Variants in RASSF8 observed in about 807,000 individuals in gnomAD.
The protein encoded by RASSF8 is ras association domain-containing protein 8.
RASSF8 carries 22 observed loss-of-function variants against 48.5 expected under a neutral mutation model. That is an observed-to-expected ratio of 0.45 (90% confidence interval 0.32 to 0.65). The LOEUF is 0.65. Among genes scored for constraint, RASSF8 ranks in the 30% least tolerant of loss-of-function variants. The probability of loss-of-function intolerance (pLI) is 0.03; values close to 1 mark genes in which losing one functional copy is unlikely to be tolerated. For synonymous variants in RASSF8, 127 were observed against 171.5 expected, an observed-to-expected ratio of 0.74 and a Z score of 2.03; for missense variants, 418 against 489.2, an observed-to-expected ratio of 0.85 and a Z score of 1.37.
intron 1 of RASSF8, among the ~76,000 whole-genome samples, chr12:25,986,799 CTT>C (rs1470998654): frequency 1.3e-5 from 2 of 152,286 alleles, no homozygotes; most frequent in African/African-American, 4.8e-5. Context: ...TTTGCTGCCT[CTT>C]CTCTTTGCTT....
chr12:25,979,809 G>C (rs1419593907), intron 1 of RASSF8, among the ~76,000 whole-genome samples: 1 of 151,746 alleles, frequency 6.6e-6, no homozygotes, highest in African/African-American at 2.4e-5. Flanking sequence ...GTAAGTGTTG[G>C]GGAAACAGAG....
In RASSF8 at chr12:26,065,030, G is replaced by A. The variant is rs1199537352; in HGVS notation, c.636G>A (p.Lys212=). Residue 212 remains lysine (K), a synonymous_variant, in exon 4 of 6, where the codon AAG becomes AAA. Transcript: ENST00000689635. ...LEEEIVRLEQ[K]IKRNDVEIEE... is the part of the protein sequence containing the mutation. The stretch of plus-strand genomic sequence containing the variant: ...AGGAAATTGTCCGTCTAGAGCAAAA[G>A]ATCAAAAGAAACGATGTAGAAATTG... 2 of 1,613,498 alleles carry A rather than the reference G, an allele frequency of 1.2e-6. No homozygotes were observed. The highest frequency in any genetic ancestry group is 1.7e-6 in the Non-Finnish European group (2 of 1,179,820).
rs546823955 is a variant in RASSF8, at chr12:26,067,834, C to T, written c.1138+121C>T. ...GGCTGGAATGCCAGGGGTATTACCA[C>T]GGCTTACTGCAGCCTCGACCTCCTG... is the stretch of plus-strand genomic sequence containing the variant. On this transcript the variant is annotated intron_variant, in intron 5 of 5. Transcript: ENST00000689635. 4.9e-4 allele frequency: 631 copies of T among 1,298,070 alleles called. 1 individual carries two copies. Among genetic ancestry groups the T allele is most frequent in the Non-Finnish European group, 6.1e-4 (573 of 934,834 alleles). The allele number at this position is 1,298,070 out of a possible 1,614,324, so 80.4% of individuals were successfully genotyped here.
chr12:25,973,173 G>GCA (rs1941522794), intron 1 of RASSF8, among the ~76,000 whole-genome samples: 1 of 151,638 alleles, frequency 6.6e-6, no homozygotes, highest in South Asian at 2.1e-4. Flanking sequence ...CCCAGAATAA[G>GCA]CAAATATTCT....
chr12:25,993,248 A>G (rs1482519343), intron 1 of RASSF8, among the ~76,000 whole-genome samples: 1 of 152,230 alleles, frequency 6.6e-6, no homozygotes, highest in African/African-American at 2.4e-5. Context: ...TGTTAGTGTC[A>G]GTTTGAATTA....
intron 2 of RASSF8, among the ~76,000 whole-genome samples, chr12:26,012,779 C>G (rs1384706963): frequency 6.6e-6 from 1 of 151,166 alleles, no homozygotes; most frequent in African/African-American, 2.4e-5. Context: ...CTCCTGGGCT[C>G]CATCAGTCCT....
intron 2 of RASSF8, among the ~76,000 whole-genome samples, chr12:26,048,965 C>T (rs569484430): frequency 6.6e-5 from 10 of 152,216 alleles, no homozygotes; most frequent in African/African-American, 2.4e-4. Context: ...ACCATATTGG[C>T]CAGGCCGGTC....
At chr12:26,074,434 C>T (rs1169193550), downstream of RASSF8, among the ~76,000 whole-genome samples, 1 of 152,094 alleles carries the variant, frequency 6.6e-6, no homozygotes. Context: ...CCTCCCCTTC[C>T]TGGGTTCAAG....
intron 1 of RASSF8, among the ~76,000 whole-genome samples, chr12:25,976,520 A>G (rs535693757): frequency 6.6e-6 from 1 of 152,302 alleles, no homozygotes; most frequent in South Asian, 2.1e-4. Flanking sequence ...GCAACGAATC[A>G]GACTGATTGT....
chr12:25,974,949 G>A (rs952328929), intron 1 of RASSF8, among the ~76,000 whole-genome samples: 5 of 152,170 alleles, frequency 3.3e-5, no homozygotes, highest in Non-Finnish European at 7.4e-5. Context: ...AAAACAATAA[G>A]AACCAATCTT....
At chr12:25,995,318 ATC>A (rs967397115) in intron 2 of RASSF8, among the ~76,000 whole-genome samples, 188 bp downstream of exon 2, 4 of 152,208 alleles carry the variant, frequency 2.6e-5, no homozygotes, top group South Asian at 2.1e-4. Context: ...TGGTGATAGT[ATC>A]TGTTACCACT....
At position 26,072,474 on chromosome 12, in the gene RASSF8, A is replaced by G. The variant is rs1035526445; in HGVS notation, c.*3656A>G. ...AAATAAATGCAGAAAACTATTTCGTATACTAATTATATTAAACCAGCAGAA... is the reference window on the plus strand; with the variant it reads ...AAATAAATGCAGAAAACTATTTCGTGTACTAATTATATTAAACCAGCAGAA... On this transcript the variant is annotated 3_prime_UTR_variant, in exon 6 of 6. Coordinates refer to ENST00000689635, the MANE Select transcript of RASSF8 (RefSeq NM_001394098.1). 44 of 960,246 alleles carry G rather than the reference A, an allele frequency of 4.6e-5. No individual in the cohort carries two copies. Among genetic ancestry groups the G allele is most frequent in the Non-Finnish European group, 2.7e-5 (22 of 807,062 alleles). 59.5% of individuals were successfully genotyped at this position (960,246 alleles called of 1,614,324 possible). A position where few individuals can be genotyped will look rare whatever the true frequency, so the allele number is the denominator to read the frequency against.
At chr12:25,996,898 T>C (rs1477017330) in intron 2 of RASSF8, among the ~76,000 whole-genome samples, 1 of 152,210 alleles carries the variant, frequency 6.6e-6, no homozygotes, top group African/African-American at 2.4e-5. Flanking sequence ...CATGTTAACT[T>C]TGGTGGTCAG....
chr12:25,986,124 TA>T (rs1357907924), intron 1 of RASSF8, among the ~76,000 whole-genome samples: 1 of 152,150 alleles, frequency 6.6e-6, no homozygotes, highest in Non-Finnish European at 1.5e-5. Flanking sequence ...TCCTCAGTCT[TA>T]AAGGGGTGAG....
intron 2 of RASSF8, among the ~76,000 whole-genome samples, chr12:26,015,714 A>G (rs576335153): frequency 6.6e-6 from 1 of 152,230 alleles, no homozygotes; most frequent in Non-Finnish European, 1.5e-5. Flanking sequence ...AAGTTAGCGG[A>G]CCTATTGTGT....
In RASSF8 at chr12:26,069,445, T is replaced by G. The variant is rs965032238; in HGVS notation, c.*627T>G. ...TTCAGGGTTTTTTAAATCTGGAATT[T>G]AGTCGTTCCTTTACAATATTTCCAA... On this transcript the variant is annotated 3_prime_UTR_variant, in exon 6 of 6. Coordinates refer to ENST00000689635, the MANE Select transcript of RASSF8 (RefSeq NM_001394098.1). 19 of 985,434 alleles carry G rather than the reference T, an allele frequency of 1.9e-5. No individual in the cohort carries two copies. In the African/African-American group the frequency reaches 3.3e-4, roughly 17 times the overall value. The allele number at this position is 985,434 out of a possible 1,614,324, so 61.0% of individuals were successfully genotyped here. A position where few individuals can be genotyped will look rare whatever the true frequency, so the allele number is the denominator to read the frequency against.
At chr12:25,960,123 A>G (rs1333703467) in intron 1 of RASSF8, among the ~76,000 whole-genome samples, 1 of 152,108 alleles carries the variant, frequency 6.6e-6, no homozygotes, top group African/African-American at 2.4e-5. Flanking sequence ...GTGGCTCAGC[A>G]ATTCATTAGA....
In RASSF8 at chr12:26,039,638, G is replaced by A. The variant is rs115181560; in HGVS notation, c.-108-15598G>A. Among the ~76,000 whole-genome samples the A allele has an allele frequency of 1.7e-3, 252 of 152,192 alleles. 1 individual carries two copies. Among genetic ancestry groups the A allele is most frequent in the African/African-American group, 5.7e-3 (235 of 41,520 alleles). On this transcript the variant is annotated intron_variant, in intron 2 of 5. Transcript: ENST00000689635. Reference sequence around the variant, plus strand: ...ACCTGTTGCCTATTGCATAAACTTCGTGGTACATTAACAGTACCAGTAGTT... The same window carrying A: ...ACCTGTTGCCTATTGCATAAACTTCATGGTACATTAACAGTACCAGTAGTT...
At chr12:26,038,997 T>A (rs1307132869) in intron 2 of RASSF8, among the ~76,000 whole-genome samples, 3 of 152,226 alleles carry the variant, frequency 2.0e-5, no homozygotes, top group Admixed American at 6.5e-5. Flanking sequence ...ATTCTTTTTT[T>A]AAAAAGCTAT....
Sources: gnomAD v4.1 joint callset for allele counts (sites outside exome capture counted in the v4.1 genomes callset) on GRCh38, gnomAD v4.1.1 for gene constraint, MANE v1.5 for transcripts, NCBI Gene and HGNC (gene_info 2026-07-23, HGNC 2026-07-21) for gene names.